DCAF8L2: variants seen among roughly 807,000 people sequenced by gnomAD.
The protein encoded by DCAF8L2 is DDB1- and CUL4-associated factor 8-like protein 2.
For synonymous variants in DCAF8L2, 200 were observed against 190.9 expected (o/e 1.05, Z -0.39); for missense variants, 430 against 490.7 (o/e 0.88, Z 1.17).
the DCAF8L2 span, among the ~76,000 whole-genome samples, chrX:27,515,146 T>TTACAA: frequency 1.8e-5 from 2 of 111,944 alleles, no homozygotes; most frequent in Admixed American, 1.9e-4. Flanking sequence ...ACCATAAATA[T>TTACAA]TTACAATTAA....
the DCAF8L2 span, among the ~76,000 whole-genome samples, chrX:27,482,709 G>T: frequency 9.0e-6 from 1 of 111,688 alleles, no homozygotes; most frequent in Non-Finnish European, 1.9e-5. Flanking sequence ...ACGTTAGAAA[G>T]AACTTGAAAA....
At chrX:27,630,725 A>T (rs770719980) in intron 1 of DCAF8L2, among the ~76,000 whole-genome samples, 1 of 112,140 alleles carries the variant, frequency 8.9e-6, no homozygotes, top group African/African-American at 3.2e-5. Context: ...ACAAAATACC[A>T]TAGGTTGAGT....
the DCAF8L2 span, among the ~76,000 whole-genome samples, chrX:27,500,056 G>A: frequency 9.0e-6 from 1 of 111,471 alleles, no homozygotes; most frequent in African/African-American, 3.3e-5. Context: ...AATTTCATGG[G>A]CTTTTTCCTC....
chrX:27,643,049 G>C (rs1313481647), intron 2 of DCAF8L2, among the ~76,000 whole-genome samples: 1 of 111,809 alleles, frequency 8.9e-6, no homozygotes, highest in Non-Finnish European at 1.9e-5. Flanking sequence ...GAATGGTGTC[G>C]ATATCTCTTC....
chrX:27,684,922 CTT>C (rs1211144694), intron 3 of DCAF8L2, among the ~76,000 whole-genome samples: 3 of 111,473 alleles, frequency 2.7e-5, no homozygotes, highest in African/African-American at 9.8e-5. Context: ...CCATTAATCT[CTT>C]ATATCTATCT....
At chrX:27,476,394 C>T in the DCAF8L2 span, among the ~76,000 whole-genome samples, 2 of 111,243 alleles carry the variant, frequency 1.8e-5, no homozygotes, top group Non-Finnish European at 3.8e-5. Flanking sequence ...AACGGAACTT[C>T]CTGATTAATT....
chrX:27,693,137 T>C, intron 3 of DCAF8L2, among the ~76,000 whole-genome samples: 1 of 111,763 alleles, frequency 8.9e-6, no homozygotes, highest in Non-Finnish European at 1.9e-5. Flanking sequence ...CTCTATCTCT[T>C]AAAAATACTG....
intron 1 of DCAF8L2, among the ~76,000 whole-genome samples, chrX:27,598,354 A>C (rs374207264): frequency 0.023 from 2,459 of 106,180 alleles, 40 homozygotes; most frequent in African/African-American, 0.071. Context: ...AACCCCCCCC[A>C]CCCAACCCCC....
chrX:27,573,252 TCTCA>T, the DCAF8L2 span, among the ~76,000 whole-genome samples: 2 of 88,494 alleles, frequency 2.3e-5, no homozygotes, highest in Non-Finnish European at 2.2e-5. Context: ...TCTCTCTCTC[TCTCA>T]CACACACACA....
intron 4 of DCAF8L2, among the ~76,000 whole-genome samples, chrX:27,719,060 A>G (rs997035224): frequency 1.8e-5 from 2 of 111,928 alleles, no homozygotes; most frequent in African/African-American, 3.3e-5. Flanking sequence ...TTTTTAATTT[A>G]TCTTGGGCAA....
chrX:27,747,024 C>A lies in DCAF8L2; in HGVS notation c.129C>A (p.Thr43=). The stretch of plus-strand genomic sequence containing the variant: ...CCTCCTCAGACATTGACATAGCGAC[C>A]TCAGAGCTGAGTGTGACAGTGACCG... ...TEASSDIDIA[T]SELSVTVTGD... Residue 43 remains threonine (T), a synonymous_variant, in exon 5 of 5, where the codon ACC becomes ACA. Coordinates refer to ENST00000451261, the MANE Select transcript of DCAF8L2 (RefSeq NM_001353450.2). 2 of 1,178,450 alleles carry A rather than the reference C, an allele frequency of 1.7e-6. 1 individual carries two copies. The highest frequency in any genetic ancestry group is 2.3e-6 in the Non-Finnish European group (2 of 878,281).
chrX:27,518,180 C>G, the DCAF8L2 span: 1 of 910,713 alleles, frequency 1.1e-6, no homozygotes, highest in Admixed American at 2.2e-5. Context: ...CCGCCAGAAA[C>G]TGCAGTTCTT....
chrX:27,649,041 A>G (rs2147196912), intron 2 of DCAF8L2, among the ~76,000 whole-genome samples: 1 of 112,116 alleles, frequency 8.9e-6, no homozygotes. Flanking sequence ...CTTATAAGTG[A>G]GAATATGTGA....
At chrX:27,586,754 CA>C (rs763247901), upstream of DCAF8L2, among the ~76,000 whole-genome samples, 38 of 110,334 alleles carry the variant, frequency 3.4e-4, 1 homozygote, top group South Asian at 3.9e-4. Flanking sequence ...AAAAAAATAC[CA>C]AGTTTTAGAT....
chrX:27,657,766 C>A (rs1366011802), intron 2 of DCAF8L2, among the ~76,000 whole-genome samples: 2 of 112,085 alleles, frequency 1.8e-5, no homozygotes, highest in Non-Finnish European at 3.8e-5. Flanking sequence ...ATTTATAGTT[C>A]TTTTGTGATC....
At chrX:27,643,524 T>C (rs1353812624) in intron 2 of DCAF8L2, among the ~76,000 whole-genome samples, 1 of 111,972 alleles carries the variant, frequency 8.9e-6, no homozygotes. Context: ...TTTTGGTAAA[T>C]TCCAGCAGTT....
the DCAF8L2 span, among the ~76,000 whole-genome samples, chrX:27,483,526 A>G: frequency 9.0e-6 from 1 of 111,363 alleles, no homozygotes; most frequent in African/African-American, 3.3e-5. Flanking sequence ...TGAAAAATTA[A>G]TCTTTATCAA....
chrX:27,504,400 G>A, the DCAF8L2 span, among the ~76,000 whole-genome samples: 2 of 111,678 alleles, frequency 1.8e-5, no homozygotes, highest in African/African-American at 6.5e-5. Context: ...AAAGTCATAA[G>A]TAATATGGTA....
chrX:27,622,407 T>A (rs1253010706), intron 1 of DCAF8L2, among the ~76,000 whole-genome samples: 5 of 108,650 alleles, frequency 4.6e-5, no homozygotes, highest in East Asian at 5.7e-4. Flanking sequence ...CCTGGGCGAC[T>A]GAGCGAGACT....
Sources: gnomAD v4.1 joint callset for allele counts (sites outside exome capture counted in the v4.1 genomes callset) on GRCh38, gnomAD v4.1.1 for gene constraint, MANE v1.5 for transcripts, NCBI Gene and HGNC (gene_info 2026-07-23, HGNC 2026-07-21) for gene names.